Variants in SIPA1L1 observed in about 807,000 individuals in gnomAD.
The protein encoded by SIPA1L1 is signal-induced proliferation-associated 1-like protein 1.
SIPA1L1 carries 26 observed loss-of-function variants against 162.7 expected under a neutral mutation model. The observed-to-expected ratio is 0.16, with a 90% CI of 0.12 to 0.22. The LOEUF is 0.22. Ranked by LOEUF, SIPA1L1 falls within the 10% of genes least tolerant of loss-of-function variation. The probability of loss-of-function intolerance (pLI) is 1.00; values close to 1 mark genes in which losing one functional copy is unlikely to be tolerated. For missense variants in SIPA1L1, 1,874 were observed against 2,241.0 expected (o/e 0.84, Z 3.31); for synonymous variants, 829 against 837.4 (o/e 0.99, Z 0.17).
intron 4 of SIPA1L1, among the ~76,000 whole-genome samples, chr14:71,545,825 G>A (rs2055138205): frequency 6.6e-6 from 1 of 152,132 alleles, no homozygotes; most frequent in African/African-American, 2.4e-5. Context: ...ATTTGGCTGG[G>A]TATGGTGGTG....
chr14:71,569,153 A>G (rs917013484), intron 4 of SIPA1L1, among the ~76,000 whole-genome samples: 3 of 152,128 alleles, frequency 2.0e-5, no homozygotes, highest in Admixed American at 1.3e-4. Flanking sequence ...AAAAAAATGT[A>G]TGAAGACAGG....
At chr14:71,478,255 T>C (rs1382708637) in intron 2 of SIPA1L1, among the ~76,000 whole-genome samples, 2 of 152,232 alleles carry the variant, frequency 1.3e-5, no homozygotes, top group Non-Finnish European at 2.9e-5. Flanking sequence ...ATTTTGTTTT[T>C]ATGTATTCTG....
chr14:71,576,952 G>A (rs1264457452), intron 4 of SIPA1L1, among the ~76,000 whole-genome samples: 1 of 151,752 alleles, frequency 6.6e-6, no homozygotes, highest in African/African-American at 2.4e-5. Flanking sequence ...GTGTGGTGGC[G>A]GGCACCTGCA....
At chr14:71,498,632 A>AT (rs1473658701) in intron 2 of SIPA1L1, among the ~76,000 whole-genome samples, 1 of 152,206 alleles carries the variant, frequency 6.6e-6, no homozygotes, top group Non-Finnish European at 1.5e-5. Context: ...AATAAACAGT[A>AT]TTCCATGCAG....
In SIPA1L1 at chr14:71,479,336, GGTATGTATGTAT is replaced by G. The variant is rs59082026; in HGVS notation, c.-464-33380_-464-33369del. ...CTTTTTCCATGTGTGTGTGTATGTA[GGTATGTATGTAT>G]GTATGTATGTATGTATGTATGTATG... On this transcript the variant is annotated intron_variant, in intron 2 of 23. Transcript: ENST00000381232. Among the ~76,000 whole-genome samples, 112 of 148,332 alleles carry G rather than the reference GGTATGTATGTAT, an allele frequency of 7.6e-4. No individual in the cohort carries two copies. In the East Asian group the frequency reaches 0.015, roughly 20 times the overall value.
chr14:71,460,001 C>G (rs947707662), intron 2 of SIPA1L1, among the ~76,000 whole-genome samples: 83 of 152,240 alleles, frequency 5.5e-4, no homozygotes, highest in Non-Finnish European at 1.0e-3. Context: ...CAATCCCCAA[C>G]CCAAATACCA....
intron 13 of SIPA1L1, among the ~76,000 whole-genome samples, chr14:71,689,351 C>T (rs1476671661): frequency 6.6e-6 from 1 of 152,154 alleles, no homozygotes; most frequent in East Asian, 1.9e-4. Context: ...TTTCTGATTA[C>T]AGAATTTTAC....
At chr14:71,411,460 C>G (rs2042397905) in intron 2 of SIPA1L1, among the ~76,000 whole-genome samples, 1 of 152,160 alleles carries the variant, frequency 6.6e-6, no homozygotes, top group African/African-American at 2.4e-5. Context: ...TTTTCTAGCT[C>G]TTAACTGGGG....
At chr14:71,476,625 A>G (rs915547464) in intron 2 of SIPA1L1, among the ~76,000 whole-genome samples, 27 of 151,772 alleles carry the variant, frequency 1.8e-4, no homozygotes, top group African/African-American at 6.3e-4. Flanking sequence ...GTGCCTCCGA[A>G]TAACAAATCT....
chr14:71,623,049 AC>A (rs1239487048), intron 6 of SIPA1L1, among the ~76,000 whole-genome samples: 3 of 151,092 alleles, frequency 2.0e-5, no homozygotes, highest in African/African-American at 7.3e-5. Context: ...ATTTCCTAAA[AC>A]CCCTCCTTTC....
At chr14:71,659,126 A>G (rs112827784) in intron 9 of SIPA1L1, among the ~76,000 whole-genome samples, 1 of 152,254 alleles carries the variant, frequency 6.6e-6, no homozygotes, top group African/African-American at 2.4e-5. Flanking sequence ...AAAATATTTT[A>G]AAATAAATAG....
intron 12 of SIPA1L1, among the ~76,000 whole-genome samples, chr14:71,683,730 A>C (rs374142719): frequency 2.6e-5 from 4 of 152,228 alleles, no homozygotes; most frequent in African/African-American, 9.6e-5. Context: ...CTATTAGAGA[A>C]AAGGTTTTAA....
intron 5 of SIPA1L1, among the ~76,000 whole-genome samples, chr14:71,602,213 T>C (rs1370336447): frequency 2.0e-5 from 3 of 152,196 alleles, no homozygotes; most frequent in Non-Finnish European, 2.9e-5. Context: ...AAATTATCAC[T>C]TAACACTGTT....
intron 2 of SIPA1L1, among the ~76,000 whole-genome samples, chr14:71,408,777 T>C (rs1021081085): frequency 6.6e-6 from 1 of 152,206 alleles, no homozygotes; most frequent in Admixed American, 6.5e-5. Flanking sequence ...GCTGCAATTC[T>C]CCTGCCTGTC....
intron 3 of SIPA1L1, among the ~76,000 whole-genome samples, chr14:71,528,380 C>A (rs911780754): frequency 6.6e-6 from 1 of 152,096 alleles, no homozygotes; most frequent in Non-Finnish European, 1.5e-5. Flanking sequence ...TTCAGCTGGG[C>A]GCAGTATCTC....
rs961963386 is a variant in SIPA1L1 at position 71,660,005 on chromosome 14, A to G, written c.2098-1305A>G. On this transcript the variant is annotated intron_variant, in intron 9 of 23. Coordinates refer to ENST00000381232, the MANE Select transcript of SIPA1L1 (RefSeq NM_001386936.1). ...CTTTTGCAAATATTTTTAATAAAATATTTTTCATTATATGTAGTATAAGAT... is the reference window on the plus strand; with the variant it reads ...CTTTTGCAAATATTTTTAATAAAATGTTTTTCATTATATGTAGTATAAGAT... Among the ~76,000 whole-genome samples, 8 of 152,046 alleles carry G rather than the reference A, an allele frequency of 5.3e-5. No individual in the cohort carries two copies. In the East Asian group the frequency reaches 5.8e-4, roughly 11 times the overall value.
chr14:71,424,838 G>A (rs1240664916), intron 2 of SIPA1L1, among the ~76,000 whole-genome samples: 2 of 152,030 alleles, frequency 1.3e-5, no homozygotes, highest in Admixed American at 1.3e-4. Flanking sequence ...AGAGGGATTG[G>A]TGTTAGTTCC....
intron 7 of SIPA1L1, 121 bp downstream of exon 7, chr14:71,624,357 C>T (rs1364029881): frequency 1.2e-6 from 1 of 823,104 alleles, no homozygotes; most frequent in Non-Finnish European, 1.8e-6. Context: ...GTGAAAGACA[C>T]TCTCTTTGCA....
At chr14:71,330,586 A>T in intron 2 of SIPA1L1, 1 of 1,106,722 alleles carries the variant, frequency 9.0e-7, no homozygotes, top group South Asian at 1.2e-5. Context: ...GTTAAATCCC[A>T]ACTGAGCTTC....
Sources: allele counts gnomAD v4.1 joint callset (sites outside exome capture counted in the v4.1 genomes callset), GRCh38; gene constraint gnomAD v4.1.1; transcripts MANE v1.5; gene names NCBI Gene and HGNC (gene_info 2026-07-23, HGNC 2026-07-21).